TAFA1: variants seen among roughly 807,000 people sequenced by gnomAD.
TAFA1 encodes chemokine-like protein TAFA-1.
TAFA1 carries 4 observed loss-of-function variants against 18.5 expected under a neutral mutation model. The ratio of observed to expected loss-of-function variants is 0.22; its 90% CI spans 0.11 to 0.49. TAFA1 has a LOEUF of 0.49. Among genes scored for constraint, TAFA1 ranks in the 20% least tolerant of loss-of-function variants. TAFA1 has a pLI of 0.98. For synonymous variants in TAFA1, 56 were observed against 55.2 expected (o/e 1.01, Z -0.06); for missense variants, 147 against 169.0 (o/e 0.87, Z 0.72).
chr3:67,994,958 C>A, the TAFA1 span, among the ~76,000 whole-genome samples: 1 of 151,902 alleles, frequency 6.6e-6, no homozygotes, highest in South Asian at 2.1e-4. Flanking sequence ...CAGGAAGGAT[C>A]ATAAGTAATG....
intron 2 of TAFA1, among the ~76,000 whole-genome samples, chr3:68,407,419 C>G (rs1048645992): frequency 2.6e-5 from 4 of 152,052 alleles, no homozygotes; most frequent in Non-Finnish European, 5.9e-5. Flanking sequence ...GAGCTAACAA[C>G]TAAAATAAAT....
intron 4 of TAFA1, among the ~76,000 whole-genome samples, chr3:68,541,266 C>T (rs2073369171): frequency 1.3e-5 from 2 of 152,198 alleles, no homozygotes; most frequent in African/African-American, 4.8e-5. Flanking sequence ...TCCCTCCTCC[C>T]TCCTTCTCAA....
intron 2 of TAFA1, among the ~76,000 whole-genome samples, chr3:68,362,556 G>A (rs936633952): frequency 2.0e-5 from 3 of 152,142 alleles, no homozygotes; most frequent in African/African-American, 7.2e-5. Flanking sequence ...CAACGTATAA[G>A]CTTCTGAGCT....
intron 2 of TAFA1, among the ~76,000 whole-genome samples, chr3:68,120,930 T>A (rs1229848627): frequency 2.6e-5 from 4 of 152,208 alleles, no homozygotes; most frequent in Non-Finnish European, 5.9e-5. Context: ...TATGGACACA[T>A]ACCTGAGGAG....
At chr3:68,515,960 G>A (rs1032312797) in intron 3 of TAFA1, among the ~76,000 whole-genome samples, 2 of 152,182 alleles carry the variant, frequency 1.3e-5, no homozygotes, top group Non-Finnish European at 2.9e-5. Flanking sequence ...TAGAAACCAA[G>A]CATTATTTGC....
rs1559585926 is a variant in TAFA1 at position 68,262,342 on chromosome 3, TA to T, written c.119-154937del. ...ATATATATATATATATATATATATA[TA>T]TATATATATATATATTTCATGGGTA... On this transcript the variant is annotated intron_variant, in intron 2 of 4. Coordinates refer to ENST00000478136, the MANE Select transcript of TAFA1 (RefSeq NM_213609.4). Among the ~76,000 whole-genome samples, 43 of 92,754 alleles carry T rather than the reference TA, an allele frequency of 4.6e-4. 2 individuals carry two copies. The East Asian group carries it at 8.2e-3, about 18-fold the overall frequency. The allele number at this position is 92,754 out of a possible 152,430, so 60.9% of individuals were successfully genotyped here.
chr3:68,139,663 G>A (rs2065647126), intron 2 of TAFA1, among the ~76,000 whole-genome samples: 1 of 152,094 alleles, frequency 6.6e-6, no homozygotes, highest in South Asian at 2.1e-4. Flanking sequence ...AATACCCTAA[G>A]GGCATGAAAA....
chr3:68,370,534 G>A (rs1315156464), intron 2 of TAFA1, among the ~76,000 whole-genome samples: 1 of 94,834 alleles, frequency 1.1e-5, no homozygotes, highest in Non-Finnish European at 2.1e-5. Flanking sequence ...ATGTATTTTG[G>A]AGCCTGAAGT....
intron 2 of TAFA1, among the ~76,000 whole-genome samples, chr3:68,229,158 G>C (rs1375836954): frequency 6.6e-6 from 1 of 152,156 alleles, no homozygotes; most frequent in Non-Finnish European, 1.5e-5. Flanking sequence ...AGTCTTAGCA[G>C]CATTTTGTGT....
chr3:68,152,942 G>A (rs74317334), intron 2 of TAFA1, among the ~76,000 whole-genome samples: 2,559 of 152,200 alleles, frequency 0.017, 75 homozygotes, highest in African/African-American at 0.058. Context: ...AGAGAGAGGA[G>A]GGAATGGAGA....
At chr3:68,154,807 C>T (rs2065847897) in intron 2 of TAFA1, among the ~76,000 whole-genome samples, 1 of 152,084 alleles carries the variant, frequency 6.6e-6, no homozygotes, top group Admixed American at 6.6e-5. Context: ...CTCCCCAGTG[C>T]CCTTGGGACA....
At chr3:68,330,909 GT>G (rs5849825) in intron 2 of TAFA1, among the ~76,000 whole-genome samples, 58,191 of 150,704 alleles carry the variant, frequency 0.39, 11,583 homozygotes, top group East Asian at 0.62. Context: ...TTTCATATGT[GT>G]TTTTTTTTCA....
intron 2 of TAFA1, among the ~76,000 whole-genome samples, chr3:68,355,637 A>G (rs2069347143): frequency 6.6e-6 from 1 of 152,006 alleles, no homozygotes; most frequent in African/African-American, 2.4e-5. Flanking sequence ...ATAATTGTGA[A>G]CATGGTAAAG....
At chr3:68,131,069 C>T (rs2065530465) in intron 2 of TAFA1, among the ~76,000 whole-genome samples, 1 of 152,122 alleles carries the variant, frequency 6.6e-6, no homozygotes, top group Admixed American at 6.6e-5. Context: ...ATAGTGGGCT[C>T]TTATTAAATA....
At chr3:68,452,053 G>A (rs2071573806) in intron 3 of TAFA1, among the ~76,000 whole-genome samples, 1 of 152,110 alleles carries the variant, frequency 6.6e-6, no homozygotes, top group South Asian at 2.1e-4. Flanking sequence ...GGCCAAGAGA[G>A]GGGAGGATGG....
chr3:68,170,487 A>G (rs1420016119), intron 2 of TAFA1, among the ~76,000 whole-genome samples: 1 of 151,890 alleles, frequency 6.6e-6, no homozygotes, highest in Admixed American at 6.5e-5. Flanking sequence ...GCTGACCAAA[A>G]TATTTTAAAG....
intron 2 of TAFA1, among the ~76,000 whole-genome samples, chr3:68,300,419 T>C (rs2068281770): frequency 6.6e-6 from 1 of 152,320 alleles, no homozygotes; most frequent in Admixed American, 6.5e-5. Context: ...ATTTACCCAA[T>C]GCCGCTACCC....
intron 2 of TAFA1, among the ~76,000 whole-genome samples, chr3:68,170,721 A>G (rs1054575098): frequency 3.3e-5 from 5 of 152,146 alleles, no homozygotes; most frequent in African/African-American, 1.2e-4. Flanking sequence ...GCATGCTCAT[A>G]AACACACAGC....
At chr3:68,313,494 T>C (rs1219671223) in intron 2 of TAFA1, among the ~76,000 whole-genome samples, 1 of 152,214 alleles carries the variant, frequency 6.6e-6, no homozygotes, top group Admixed American at 6.5e-5. Context: ...CTGATTTTCT[T>C]AGAACAAGAT....
Sources: gnomAD v4.1 joint callset for allele counts (sites outside exome capture counted in the v4.1 genomes callset) on GRCh38, gnomAD v4.1.1 for gene constraint, MANE v1.5 for transcripts, NCBI Gene and HGNC (gene_info 2026-07-23, HGNC 2026-07-21) for gene names.